EDN2: variants seen among roughly 807,000 people sequenced by gnomAD.
EDN2 encodes endothelin 2.
In EDN2, 10 loss-of-function variants were observed where a neutral mutation model predicts 19.9. The ratio of observed to expected loss-of-function variants is 0.50; its 90% CI spans 0.31 to 0.85. EDN2 has a LOEUF of 0.85. Ranked by LOEUF, EDN2 falls within the 40% of genes least tolerant of loss-of-function variation. The pLI, the probability that EDN2 is intolerant of heterozygous loss-of-function variation, is 0.05. For synonymous variants in EDN2, 84 were observed against 94.9 expected (o/e 0.89, Z 0.67); for missense variants, 222 against 239.3 (o/e 0.93, Z 0.48).
chr1:41,480,664 A>G (rs1186526930), intron 4 of EDN2: 1 of 458,678 alleles, frequency 2.2e-6, no homozygotes, highest in Non-Finnish European at 4.4e-6. Context: ...TTGAACAAGC[A>G]TTCGTGGGCA....
chr1:41,483,848 C>A, intron 2 of EDN2, 199 bp downstream of exon 2: 1 of 573,892 alleles, frequency 1.7e-6, no homozygotes, highest in South Asian at 2.5e-5. Flanking sequence ...CTTAAGAATT[C>A]TCAGAAGACA....
intron 1 of EDN2, 129 bp downstream of exon 1, chr1:41,484,409 C>T (rs1644274276): frequency 2.2e-6 from 3 of 1,359,642 alleles, no homozygotes; most frequent in East Asian, 5.0e-5. Flanking sequence ...CTTTCCCCTG[C>T]CACCACTGCC....
chr1:41,482,825 C>G (rs1336216843), intron 2 of EDN2: 1 of 384,330 alleles, frequency 2.6e-6, no homozygotes, highest in Non-Finnish European at 4.4e-6. Flanking sequence ...TCCTGGTAGC[C>G]CTTGGCAAGA....
In EDN2 at chr1:41,484,215, G is replaced by C. The variant is rs770501649; in HGVS notation, c.65-12C>G. 1 of 1,610,080 alleles carries C rather than the reference G, an allele frequency of 6.2e-7. No homozygotes were observed. Among genetic ancestry groups the C allele is most frequent in the South Asian group, 1.1e-5 (1 of 90,896 alleles). ...AGCCTGGCCCTTCCCTGCATGCACA[G>C]GAGGGAGAGAGAGGTGGAGAGGTGG... On this transcript the variant is annotated splice_polypyrimidine_tract_variant and intron_variant, in intron 1 of 4. Coordinates refer to ENST00000372587, the MANE Select transcript of EDN2 (RefSeq NM_001956.5).
intron 2 of EDN2, chr1:41,482,941 C>A (rs565653236): frequency 6.0e-6 from 1 of 165,752 alleles, no homozygotes; most frequent in Non-Finnish European, 1.3e-5. Flanking sequence ...CTCCTAGTCT[C>A]TCTCCCCTCT....
rs757449064 is a variant in EDN2 at position 41,482,550 on chromosome 1, C to T, written c.260G>A (p.Arg87His). The T allele has an allele frequency of 3.0e-5, 47 of 1,587,064 alleles. No homozygotes were observed. The highest frequency in any genetic ancestry group is 9.6e-5 in the East Asian group (4 of 41,754). ...GCGCCTTGGCAGGGAGCGGCGCCGG[C>T]GTCTTGGCGGGTTTCCCAGGCCGTA... is the stretch of plus-strand genomic sequence containing the variant. ...APYGLGNPPR[R>H]RRRSLPRRCQ... is the part of the protein sequence containing the mutation. The change falls in exon 3 of 5, where the codon CGC (arginine) becomes CAC (histidine). Residue 87 changes from arginine (R) to histidine (H), a missense_variant. Physicochemically the swap from Arg to His is conservative, Grantham distance 29 (BLOSUM62 0). Transcript: ENST00000372587.
At chr1:41,483,838 C>A in intron 2 of EDN2, 2 of 548,220 alleles carry the variant, frequency 3.6e-6, no homozygotes, top group Non-Finnish European at 3.2e-6. Flanking sequence ...ACCAGGCTGT[C>A]TTAAGAATTC....
Position 41,479,442 on chromosome 1 carries a change from AG to A in EDN2, c.503del (p.Pro168LeufsTer64), listed in dbSNP as rs775315196. On this transcript the variant is annotated frameshift_variant, in exon 5 of 5. Coordinates refer to ENST00000372587, the MANE Select transcript of EDN2 (RefSeq NM_001956.5). LOFTEE classifies it high-confidence loss of function. The stretch of plus-strand genomic sequence containing the variant: ...TCCTCCACCTGGAATGTGTGGACCG[AG>A]GCTCCCGCATGGCCTCCTGTTGTCG... Reference protein sequence around the residue: ...AKRQQEAMREPRSTHSRWRKR With the variant: ...AKRQQEAMREXRSTHSRWRKR The A allele has an allele frequency of 6.2e-7, 1 of 1,614,000 alleles. No homozygotes were observed. The highest frequency in any genetic ancestry group is 8.5e-7 in the Non-Finnish European group (1 of 1,179,986).
intron 4 of EDN2, chr1:41,480,805 A>C: frequency 1.7e-6 from 1 of 585,700 alleles, no homozygotes; most frequent in South Asian, 1.5e-5. Context: ...CATTCAGCAC[A>C]GCCTGAACGA....
intron 4 of EDN2, chr1:41,480,708 C>T (rs1557997062): frequency 8.5e-6 from 4 of 468,902 alleles, no homozygotes; most frequent in South Asian, 3.1e-5. Context: ...CACACTGAGG[C>T]ACCAGGGAGG....
intron 3 of EDN2, 91 bp from the exon 4 acceptor site, chr1:41,481,284 C>T: frequency 2.0e-6 from 2 of 981,880 alleles, no homozygotes; most frequent in Non-Finnish European, 1.5e-6. Context: ...CACCCCTTCC[C>T]CATCCCCACC....
In EDN2 at chr1:41,479,478, G is replaced by C. The variant is rs1482452443; in HGVS notation, c.468C>G (p.Leu156=). Residue 156 remains leucine (L), a synonymous_variant, in exon 5 of 5, where the codon CTC becomes CTG. Transcript: ENST00000372587. ...TGGCCTCCTGTTGTCGCTTGGCAAA[G>C]AGGCTCTTGACTGTGGAAATGTCCC... ...RLRDISTVKS[L]FAKRQQEAMR... is the part of the protein sequence containing the mutation. 1 of 1,614,224 alleles carries C rather than the reference G, an allele frequency of 6.2e-7. No homozygotes were observed. Among genetic ancestry groups the C allele is most frequent in the East Asian group, 2.2e-5 (1 of 44,886 alleles).
chr1:41,483,318 G>A (rs1025085695), intron 2 of EDN2, among the ~76,000 whole-genome samples: 18 of 152,218 alleles, frequency 1.2e-4, no homozygotes, highest in African/African-American at 3.4e-4. Flanking sequence ...CAGGGTTCCC[G>A]CCCTAAGCAA....
In EDN2 at chr1:41,482,534, C is replaced by CA. The variant is rs762076357; in HGVS notation, c.275dup (p.Pro93AlafsTer25). ...CACTGGAGCACTGACAGCGCCTTGG[C>CA]AGGGAGCGGCGCCGGCGTCTTGGCG... On this transcript the variant is annotated frameshift_variant, in exon 3 of 5. Transcript: ENST00000372587. LOFTEE classifies it high-confidence loss of function. 6.3e-7 allele frequency: 1 copy of CA among 1,590,602 alleles called. No homozygotes were observed. The highest frequency in any genetic ancestry group is 8.5e-7 in the Non-Finnish European group (1 of 1,170,514).
chr1:41,481,706 T>A (rs2149037716), intron 3 of EDN2, among the ~76,000 whole-genome samples: 1 of 152,100 alleles, frequency 6.6e-6, no homozygotes, highest in Admixed American at 6.5e-5. Flanking sequence ...TGCCCAGCAA[T>A]TTTTTTATAT....
At chr1:41,481,798 C>T (rs1261576259) in intron 3 of EDN2, among the ~76,000 whole-genome samples, 1 of 152,182 alleles carries the variant, frequency 6.6e-6, no homozygotes, top group East Asian at 1.9e-4. Context: ...GCCTCGGACT[C>T]CCAAAGTGCT....
At chr1:41,482,222 C>A (rs1261566021) in intron 3 of EDN2, among the ~76,000 whole-genome samples, 1 of 152,230 alleles carries the variant, frequency 6.6e-6, no homozygotes, top group Admixed American at 6.5e-5. Context: ...CTCTCCTGCC[C>A]AGGAGTGAGG....
In EDN2 at chr1:41,484,085, G is replaced by A; in HGVS notation, c.183C>T (p.Tyr61=). 1.2e-6 allele frequency: 2 copies of A among 1,613,050 alleles called. No homozygotes were observed. The highest frequency in any genetic ancestry group is 1.7e-6 in the Non-Finnish European group (2 of 1,179,682). Residue 61 remains tyrosine, a synonymous_variant, in exon 2 of 5, where the codon TAC becomes TAT. Coordinates refer to ENST00000372587, the MANE Select transcript of EDN2 (RefSeq NM_001956.5). ...CCCAGATGATGTCCAAGTGGCAGAAGTAGACGCACTCCTTGTCGAGCCAGG... is the reference window on the plus strand; with the variant it reads ...CCCAGATGATGTCCAAGTGGCAGAAATAGACGCACTCCTTGTCGAGCCAGG... ...CSSWLDKECV[Y]FCHLDIIWVN...
At chr1:41,481,461 A>C (rs1569584286) in intron 3 of EDN2, among the ~76,000 whole-genome samples, 1 of 152,036 alleles carries the variant, frequency 6.6e-6, no homozygotes, top group Non-Finnish European at 1.5e-5. Context: ...GCTGCAGGGG[A>C]AACTGAGGCA....
Sources: gnomAD v4.1 joint callset for allele counts (sites outside exome capture counted in the v4.1 genomes callset) on GRCh38, gnomAD v4.1.1 for gene constraint, MANE v1.5 for transcripts, NCBI Gene and HGNC (gene_info 2026-07-23, HGNC 2026-07-21) for gene names.